LARGE1: variants seen among roughly 807,000 people sequenced by gnomAD.
LARGE1 encodes the protein LARGE xylosyl- and glucuronyltransferase 1, also known as xylosyl- and glucuronyltransferase LARGE1.
In LARGE1, 43 loss-of-function variants were observed where a neutral mutation model predicts 87.6. The observed-to-expected ratio is 0.49, with a 90% confidence interval of 0.38 to 0.63. LARGE1 has a LOEUF of 0.63. Among genes scored for constraint, LARGE1 ranks in the 30% least tolerant of loss-of-function variants. The pLI is 0.00. For synonymous variants in LARGE1, 434 were observed against 394.6 expected (o/e 1.10, Z -1.18); for missense variants, 802 against 1,000.2 (o/e 0.80, Z 2.67).
chr22:33,129,993 T>C, the LARGE1 span, among the ~76,000 whole-genome samples: 1 of 152,158 alleles, frequency 6.6e-6, no homozygotes, highest in Non-Finnish European at 1.5e-5. Context: ...GTGAGCTCTA[T>C]TATTTTTGCA....
chr22:33,154,049 C>T, the LARGE1 span, among the ~76,000 whole-genome samples: 1 of 152,092 alleles, frequency 6.6e-6, no homozygotes, highest in African/African-American at 2.4e-5. Context: ...GGTTGCTACC[C>T]AGTGCCTACA....
the LARGE1 span, among the ~76,000 whole-genome samples, chr22:33,083,548 T>C: frequency 6.6e-6 from 1 of 152,138 alleles, no homozygotes; most frequent in Non-Finnish European, 1.5e-5. Flanking sequence ...ACTGACAGAG[T>C]CTCTGTTTCA....
downstream of LARGE1, among the ~76,000 whole-genome samples, chr22:33,271,018 T>C (rs148975397): frequency 1.3e-5 from 2 of 152,224 alleles, no homozygotes; most frequent in South Asian, 2.1e-4. Context: ...TCCCCTAGAG[T>C]GGAACCCAGC....
chr22:33,258,253 A>T (rs914919235), intron 11 of LARGE1, among the ~76,000 whole-genome samples: 1 of 152,078 alleles, frequency 6.6e-6, no homozygotes, highest in African/African-American at 2.4e-5. Flanking sequence ...TCTGGTCTTG[A>T]ACTCCTGACT....
the LARGE1 span, among the ~76,000 whole-genome samples, chr22:33,151,685 A>G: frequency 6.6e-6 from 1 of 152,180 alleles, no homozygotes; most frequent in African/African-American, 2.4e-5. Flanking sequence ...GGCTTTGTCC[A>G]TTCATTGAGA....
chr22:33,783,713 T>G, intron 1 of LARGE1, among the ~76,000 whole-genome samples: 1 of 152,198 alleles, frequency 6.6e-6, no homozygotes, highest in African/African-American at 2.4e-5. Context: ...CTACTACATA[T>G]GAGAAATTGC....
intron 7 of LARGE1, among the ~76,000 whole-genome samples, chr22:33,392,185 G>T (rs2065554412): frequency 6.6e-6 from 1 of 150,886 alleles, no homozygotes; most frequent in African/African-American, 2.4e-5. Flanking sequence ...CCCAGAAGGG[G>T]AAGGAAAAAG....
intron 7 of LARGE1, among the ~76,000 whole-genome samples, chr22:33,397,066 C>G (rs570240893): frequency 6.6e-6 from 1 of 152,116 alleles, no homozygotes; most frequent in Non-Finnish European, 1.5e-5. Context: ...AAACCAGAAT[C>G]CCCCTTACAG....
At chr22:33,862,589 G>A (rs1299001003) in intron 1 of LARGE1, among the ~76,000 whole-genome samples, 7 of 152,296 alleles carry the variant, frequency 4.6e-5, no homozygotes, top group Non-Finnish European at 7.4e-5. Flanking sequence ...CACCAGGAAC[G>A]CAGGAAGCTG....
intron 1 of LARGE1, among the ~76,000 whole-genome samples, chr22:33,814,996 T>C (rs1049309287): frequency 3.3e-5 from 5 of 152,202 alleles, no homozygotes; most frequent in African/African-American, 7.2e-5. Flanking sequence ...CAACTCAACA[T>C]GGTATGCTGC....
At chr22:33,562,647 G>A (rs2077895083) in intron 6 of LARGE1, among the ~76,000 whole-genome samples, 1 of 152,180 alleles carries the variant, frequency 6.6e-6, no homozygotes, top group African/African-American at 2.4e-5. Context: ...GGAGCAGCAA[G>A]AGCTCTGGTG....
At chr22:33,405,017 A>G (rs1352589507) in intron 7 of LARGE1, among the ~76,000 whole-genome samples, 2 of 152,192 alleles carry the variant, frequency 1.3e-5, no homozygotes, top group Non-Finnish European at 1.5e-5. Flanking sequence ...AGAGGAGCAT[A>G]AAGGAGTTTG....
At chr22:33,918,849 G>A (rs1354016904) in intron 1 of LARGE1, among the ~76,000 whole-genome samples, 1 of 152,094 alleles carries the variant, frequency 6.6e-6, no homozygotes, top group Non-Finnish European at 1.5e-5. Context: ...TCAGGGAGGC[G>A]GACGCCCCCA....
intron 11 of LARGE1, among the ~76,000 whole-genome samples, chr22:33,242,558 A>C (rs1036313937): frequency 3.3e-5 from 5 of 152,152 alleles, no homozygotes; most frequent in Non-Finnish European, 5.9e-5. Context: ...TAACAGAACT[A>C]AGCTTTTCTT....
chr22:33,258,071 C>A (rs1927412403), intron 11 of LARGE1, among the ~76,000 whole-genome samples: 1 of 152,142 alleles, frequency 6.6e-6, no homozygotes, highest in Non-Finnish European at 1.5e-5. Flanking sequence ...CTCTGTCCCC[C>A]AGGCTGGAGT....
the LARGE1 span, among the ~76,000 whole-genome samples, chr22:33,151,332 G>A: frequency 1.3e-5 from 2 of 152,096 alleles, no homozygotes; most frequent in Non-Finnish European, 2.9e-5. Context: ...AACTCACTGA[G>A]TACTAAGAGT....
At chr22:33,683,822 A>T (rs2081858997) in intron 2 of LARGE1, among the ~76,000 whole-genome samples, 1 of 152,184 alleles carries the variant, frequency 6.6e-6, no homozygotes, top group Non-Finnish European at 1.5e-5. Flanking sequence ...CAACACCAAG[A>T]AAACAGAGTA....
chr22:33,370,840 AATTG>A (rs899985033), intron 9 of LARGE1, among the ~76,000 whole-genome samples: 16 of 149,546 alleles, frequency 1.1e-4, no homozygotes, highest in Admixed American at 2.7e-4. Flanking sequence ...TAAATTAAAT[AATTG>A]ATATTAATAT....
chr22:33,467,070 T>A lies in LARGE1; in HGVS notation c.788-34805A>T, dbSNP rs549554531. ...AAAAGAGTCTGTTCTCTCATGTTGA[T>A]CCTAGTTTTCATTACTTATAAAGGA... On this transcript the variant is annotated intron_variant, in intron 6 of 14. Transcript: ENST00000397394. Among the ~76,000 whole-genome samples the A allele has an allele frequency of 1.6e-4, 25 of 152,300 alleles. No individual in the cohort carries two copies. In the South Asian group the frequency reaches 4.8e-3, roughly 29 times the overall value.
Sources: gnomAD v4.1 joint callset for allele counts (sites outside exome capture counted in the v4.1 genomes callset) on GRCh38, gnomAD v4.1.1 for gene constraint, MANE v1.5 for transcripts, NCBI Gene and HGNC (gene_info 2026-07-23, HGNC 2026-07-21) for gene names.